TRPM3: variants seen among roughly 807,000 people sequenced by gnomAD.
TRPM3 encodes transient receptor potential cation channel subfamily M member 3.
In TRPM3, 77 loss-of-function variants were observed where a neutral mutation model predicts 181.2. That is an observed-to-expected ratio of 0.42 (90% CI 0.35 to 0.51). The LOEUF (loss-of-function observed/expected upper bound fraction) is 0.51. TRPM3 is among the 20% of genes least tolerant of loss of function. The pLI, the probability that TRPM3 is intolerant of heterozygous loss-of-function variation, is 0.01. For missense variants in TRPM3, 1,759 were observed against 2,196.7 expected (o/e 0.80, Z 3.98); for synonymous variants, 745 against 796.4 (o/e 0.94, Z 1.09).
chr9:70,567,573 A>C (rs2050954455), intron 22 of TRPM3, among the ~76,000 whole-genome samples: 1 of 152,156 alleles, frequency 6.6e-6, no homozygotes, highest in Non-Finnish European at 1.5e-5. Context: ...ATGCAGTGCC[A>C]CTCTAAACAA....
At chr9:71,256,358 T>C (rs937505060) in intron 1 of TRPM3, among the ~76,000 whole-genome samples, 3 of 152,128 alleles carry the variant, frequency 2.0e-5, no homozygotes, top group Admixed American at 2.0e-4. Context: ...GAAGAACTAC[T>C]CTTTTTCTTA....
intron 1 of TRPM3, among the ~76,000 whole-genome samples, chr9:71,197,888 T>C (rs2078496383): frequency 6.7e-6 from 1 of 149,602 alleles, no homozygotes; most frequent in African/African-American, 2.5e-5. Flanking sequence ...AGATCCCATT[T>C]GTCAATTTTG....
At chr9:70,831,714 T>C (rs1237758326) in intron 5 of TRPM3, among the ~76,000 whole-genome samples, 2 of 151,754 alleles carry the variant, frequency 1.3e-5, no homozygotes, top group African/African-American at 2.4e-5. Context: ...TGAGCTTTTA[T>C]AGTTGGTAAA....
chr9:70,572,987 A>G (rs1458368476), intron 22 of TRPM3, among the ~76,000 whole-genome samples: 1 of 152,208 alleles, frequency 6.6e-6, no homozygotes. Context: ...TTCAGAAGTG[A>G]AATTTATAGA....
intron 1 of TRPM3, among the ~76,000 whole-genome samples, chr9:71,303,693 A>T (rs1454492265): frequency 1.3e-5 from 2 of 152,174 alleles, no homozygotes; most frequent in Non-Finnish European, 2.9e-5. Context: ...TAAATCTAAT[A>T]GCCTAGCTTT....
upstream of TRPM3, chr9:71,446,886 G>A (rs1230527926): frequency 6.9e-7 from 1 of 1,453,140 alleles, no homozygotes. Context: ...GAGCGCTCTC[G>A]CTGGCTCCTC....
At chr9:70,801,865 T>C (rs980945616) in intron 6 of TRPM3, among the ~76,000 whole-genome samples, 1 of 152,206 alleles carries the variant, frequency 6.6e-6, no homozygotes, top group Admixed American at 6.5e-5. Flanking sequence ...CCGATTCTAA[T>C]GTGCAAAAAC....
At position 70,936,990 on chromosome 9, in the gene TRPM3, C is replaced by T. The variant is rs533746015; in HGVS notation, c.178-72479G>A. Among the ~76,000 whole-genome samples, 7 of 152,296 alleles carry T rather than the reference C, an allele frequency of 4.6e-5. No individual in the cohort carries two copies. The East Asian group carries it at 1.4e-3, about 29-fold the overall frequency. ...TAGCTCAAAAACTTTCCAAAGCAAA[C>T]TTAGCCTATTGCATAAATGATTGTA... On this transcript the variant is annotated intron_variant, in intron 1 of 25. Coordinates refer to ENST00000677713, the MANE Select transcript of TRPM3 (RefSeq NM_001366145.2).
At chr9:71,349,631 T>G (rs2091487913) in intron 1 of TRPM3, among the ~76,000 whole-genome samples, 1 of 152,230 alleles carries the variant, frequency 6.6e-6, no homozygotes, top group South Asian at 2.1e-4. Context: ...TAATGAATGC[T>G]CTTTCATAGG....
intron 1 of TRPM3, among the ~76,000 whole-genome samples, chr9:70,945,600 T>C (rs535695157): frequency 6.0e-4 from 92 of 152,244 alleles, no homozygotes; most frequent in Non-Finnish European, 1.1e-3. Context: ...TTTCCCACAA[T>C]AGCTCACAGG....
At position 71,294,397 on chromosome 9, in the gene TRPM3, T is replaced by C. The variant is rs559454880; in HGVS notation, c.183+152256A>G. Among the ~76,000 whole-genome samples the C allele has an allele frequency of 8.5e-5, 13 of 152,084 alleles. No homozygotes were observed. In the East Asian group the frequency reaches 2.3e-3, roughly 27 times the overall value. ...TCAGACTCTTTAGTAAGCAAGGAAA[T>C]GCAAATTAAAATCTCAAGGAGATAC... On this transcript the variant is annotated intron_variant, in intron 1 of 24. Coordinates refer to the TRPM3 transcript ENST00000357533.
At chr9:70,921,943 A>G (rs930549699) in intron 1 of TRPM3, among the ~76,000 whole-genome samples, 8 of 56,260 alleles carry the variant, frequency 1.4e-4, no homozygotes, top group Admixed American at 1.1e-3. Flanking sequence ...ACACAAACAA[A>G]CACACACACA....
intron 5 of TRPM3, among the ~76,000 whole-genome samples, chr9:70,839,612 A>G (rs2094520787): frequency 6.6e-6 from 1 of 152,198 alleles, no homozygotes; most frequent in African/African-American, 2.4e-5. Context: ...AAATAAATTT[A>G]CTGCAATAAA....
chr9:70,770,134 G>A (rs1436585944), intron 7 of TRPM3, among the ~76,000 whole-genome samples: 1 of 152,178 alleles, frequency 6.6e-6, no homozygotes, highest in African/African-American at 2.4e-5. Context: ...TTGGGCCAGT[G>A]GTGGCTCACA....
At chr9:70,799,032 C>T (rs2088071085) in intron 6 of TRPM3, among the ~76,000 whole-genome samples, 1 of 152,174 alleles carries the variant, frequency 6.6e-6, no homozygotes, top group African/African-American at 2.4e-5. Flanking sequence ...AAATTGAAGC[C>T]TCATTGTTTC....
intron 1 of TRPM3, among the ~76,000 whole-genome samples, chr9:71,030,924 T>C (rs190789488): frequency 9.2e-5 from 14 of 152,278 alleles, no homozygotes; most frequent in Admixed American, 8.5e-4. Context: ...AGGGTATTCA[T>C]TGGTTATCAA....
At chr9:70,663,656 C>T (rs994972607) in intron 9 of TRPM3, among the ~76,000 whole-genome samples, 2 of 152,094 alleles carry the variant, frequency 1.3e-5, no homozygotes, top group Non-Finnish European at 2.9e-5. Context: ...ATCTTTAAGA[C>T]TTTGTAGCAC....
chr9:71,420,744 AGAAAG>A (rs2093727911), intron 1 of TRPM3, among the ~76,000 whole-genome samples: 2 of 99,722 alleles, frequency 2.0e-5, no homozygotes, highest in African/African-American at 8.9e-5. Context: ...AGAAAGAGAG[AGAAAG>A]AGAGAGAAAG....
chr9:71,260,618 A>G (rs1400093578), intron 1 of TRPM3, among the ~76,000 whole-genome samples: 4 of 152,118 alleles, frequency 2.6e-5, no homozygotes, highest in Non-Finnish European at 5.9e-5. Flanking sequence ...TTGTATTCCA[A>G]GGTGTTTTAT....
Sources: gnomAD v4.1 joint callset for allele counts (sites outside exome capture counted in the v4.1 genomes callset) on GRCh38, gnomAD v4.1.1 for gene constraint, MANE v1.5 for transcripts, NCBI Gene and HGNC (gene_info 2026-07-23, HGNC 2026-07-21) for gene names.